The following PCDH9 variants were observed in gnomAD, a reference collection of about 807,000 sequenced individuals.
The protein encoded by PCDH9 is protocadherin-9.
In PCDH9, 24 loss-of-function variants were observed where a neutral mutation model predicts 70.6. That is an observed-to-expected ratio of 0.34 (90% CI 0.25 to 0.48). The LOEUF is 0.48. Ranked by LOEUF, PCDH9 falls within the 20% of genes least tolerant of loss-of-function variation. The probability of loss-of-function intolerance (pLI) is 0.99; values close to 1 mark genes in which losing one functional copy is unlikely to be tolerated. For missense variants in PCDH9, 1,281 were observed against 1,503.6 expected, an observed-to-expected ratio of 0.85 and a Z score of 2.45; for synonymous variants, 562 against 558.5, an observed-to-expected ratio of 1.01 and a Z score of -0.09.
At chr13:66,703,707 C>T (rs1222387163) in intron 3 of PCDH9, among the ~76,000 whole-genome samples, 1 of 151,836 alleles carries the variant, frequency 6.6e-6, no homozygotes, top group Non-Finnish European at 1.5e-5. Flanking sequence ...TCAGCCTGGG[C>T]AACGTGGTGA....
At position 67,228,513 on chromosome 13, in the gene PCDH9, C is replaced by T; in HGVS notation, c.-73G>A. 12 of 1,309,104 alleles carry T rather than the reference C, an allele frequency of 9.2e-6. 2 individuals carry two copies. In the South Asian group the frequency reaches 1.8e-4, roughly 20 times the overall value. 81.1% of individuals were successfully genotyped at this position (1,309,104 alleles called of 1,614,324 possible). A position where few individuals can be genotyped will look rare whatever the true frequency, so the allele number is the denominator to read the frequency against. On this transcript the variant is annotated 5_prime_UTR_variant, in exon 2 of 5. Coordinates refer to ENST00000377865, the MANE Select transcript of PCDH9 (RefSeq NM_203487.3). The stretch of plus-strand genomic sequence containing the variant: ...CCACTGAGGAATGATGCACAAATTG[C>T]AAGAGGAAGCGTGCATGGACTGGAG...
chr13:66,752,462 GT>G (rs1025073264), intron 3 of PCDH9, among the ~76,000 whole-genome samples: 1 of 151,912 alleles, frequency 6.6e-6, no homozygotes, highest in African/African-American at 2.4e-5. Flanking sequence ...ATGCTCAGCT[GT>G]TTTTTGTATT....
chr13:67,009,202 A>G (rs571415608), intron 2 of PCDH9, among the ~76,000 whole-genome samples: 2 of 152,050 alleles, frequency 1.3e-5, no homozygotes, highest in Admixed American at 6.6e-5. Flanking sequence ...GTTGGGCTCT[A>G]GAATTTGCCT....
Position 66,446,790 on chromosome 13 carries a change from T to TA in PCDH9, c.3341-141763dup, listed in dbSNP as rs901528006. Among the ~76,000 whole-genome samples, 29 of 151,924 alleles carry TA rather than the reference T, an allele frequency of 1.9e-4. No individual in the cohort carries two copies. The East Asian group carries it at 5.0e-3, about 26-fold the overall frequency. ...TTTTATCTAACGAAGCTGTAGACTG[T>TA]AAAAAAAATAGAATTTCTTAACTTT... is the stretch of plus-strand genomic sequence containing the variant. On this transcript the variant is annotated intron_variant, in intron 4 of 4. Coordinates refer to ENST00000377865, the MANE Select transcript of PCDH9 (RefSeq NM_203487.3).
At chr13:66,700,765 A>G (rs2078627487) in intron 3 of PCDH9, among the ~76,000 whole-genome samples, 1 of 151,860 alleles carries the variant, frequency 6.6e-6, no homozygotes, top group Admixed American at 6.6e-5. Context: ...ACGTTTTCTT[A>G]TATACTGCAA....
chr13:67,088,676 T>G (rs1229445250), intron 2 of PCDH9, among the ~76,000 whole-genome samples: 1 of 152,066 alleles, frequency 6.6e-6, no homozygotes, highest in African/African-American at 2.4e-5. Context: ...AGGGAAAACG[T>G]GTGTTTAATG....
intron 3 of PCDH9, among the ~76,000 whole-genome samples, chr13:66,713,392 C>T (rs922625033): frequency 1.3e-5 from 2 of 151,754 alleles, no homozygotes; most frequent in African/African-American, 4.8e-5. Flanking sequence ...CCAGACATAG[C>T]ATTATCCTAG....
At chr13:66,411,810 G>T (rs1435611860) in intron 4 of PCDH9, among the ~76,000 whole-genome samples, 2 of 152,092 alleles carry the variant, frequency 1.3e-5, no homozygotes, top group East Asian at 1.9e-4. Flanking sequence ...TCACCTGAAG[G>T]TTTATATGTC....
chr13:66,536,104 T>G (rs1360570673), intron 4 of PCDH9, among the ~76,000 whole-genome samples: 3 of 152,072 alleles, frequency 2.0e-5, no homozygotes, highest in African/African-American at 7.2e-5. Flanking sequence ...TCTGTTAAGT[T>G]TAAAAAGCAA....
chr13:66,615,650 G>A (rs11504583), intron 4 of PCDH9, among the ~76,000 whole-genome samples: 1 of 152,174 alleles, frequency 6.6e-6, no homozygotes, highest in Non-Finnish European at 1.5e-5. Context: ...AAATCATGAA[G>A]AGCTGAAATA....
intron 2 of PCDH9, among the ~76,000 whole-genome samples, chr13:67,031,350 T>C (rs2084902263): frequency 6.6e-6 from 1 of 152,302 alleles, no homozygotes; most frequent in Non-Finnish European, 1.5e-5. Context: ...TTTTCCTACC[T>C]GTAAAATACA....
At chr13:66,675,685 T>TAGTGTTAA (rs1350827909) in intron 3 of PCDH9, among the ~76,000 whole-genome samples, 4 of 152,132 alleles carry the variant, frequency 2.6e-5, no homozygotes, top group African/African-American at 9.6e-5. Context: ...GATGAGTAAG[T>TAGTGTTAA]AGTGTTAAAG....
intron 3 of PCDH9, among the ~76,000 whole-genome samples, chr13:66,828,793 G>C (rs1304456968): frequency 6.9e-6 from 1 of 145,142 alleles, no homozygotes; most frequent in Non-Finnish European, 1.5e-5. Context: ...CTTAAATTTT[G>C]TTGTAAGCCA....
At chr13:67,025,645 T>TA (rs1307525791) in intron 2 of PCDH9, among the ~76,000 whole-genome samples, 1 of 152,098 alleles carries the variant, frequency 6.6e-6, no homozygotes, top group Non-Finnish European at 1.5e-5. Flanking sequence ...AATAGTATAT[T>TA]AAAAATTACT....
intron 2 of PCDH9, among the ~76,000 whole-genome samples, chr13:66,961,531 G>C (rs1331166671): frequency 6.6e-6 from 1 of 152,054 alleles, no homozygotes; most frequent in Admixed American, 6.6e-5. Flanking sequence ...TGGTGGCTCA[G>C]GTCTATAATC....
intron 2 of PCDH9, among the ~76,000 whole-genome samples, chr13:67,168,262 C>A (rs148431225): frequency 1.4e-3 from 219 of 152,258 alleles, no homozygotes; most frequent in African/African-American, 5.0e-3. Context: ...CTCTGCTAAG[C>A]CTCAGCACCA....
At chr13:66,699,855 G>A (rs1187423964) in intron 3 of PCDH9, among the ~76,000 whole-genome samples, 1 of 151,864 alleles carries the variant, frequency 6.6e-6, no homozygotes, top group African/African-American at 2.4e-5. Flanking sequence ...TCTAAAATAA[G>A]ATATTAATAT....
intron 4 of PCDH9, among the ~76,000 whole-genome samples, chr13:66,316,024 G>A (rs565652948): frequency 6.6e-6 from 1 of 152,176 alleles, no homozygotes; most frequent in East Asian, 1.9e-4. Context: ...TCTGAGGAAA[G>A]AATTCATTTC....
At chr13:66,503,572 A>G (rs145200719) in intron 4 of PCDH9, among the ~76,000 whole-genome samples, 3 of 152,316 alleles carry the variant, frequency 2.0e-5, no homozygotes, top group African/African-American at 7.2e-5. Context: ...AGTTTTGAAT[A>G]AAAATAAGTA....
Sources: allele counts gnomAD v4.1 joint callset (sites outside exome capture counted in the v4.1 genomes callset), GRCh38; gene constraint gnomAD v4.1.1; transcripts MANE v1.5; gene names NCBI Gene and HGNC (gene_info 2026-07-23, HGNC 2026-07-21).